Variants in MARCHF1 observed in about 807,000 individuals in gnomAD.
The protein encoded by MARCHF1 is membrane associated ring-CH-type finger 1.
MARCHF1 carries 40 observed loss-of-function variants against 54.2 expected under a neutral mutation model. The ratio of observed to expected loss-of-function variants is 0.74; its 90% CI spans 0.57 to 0.96. MARCHF1 has a LOEUF of 0.96. MARCHF1 is among the 40% of genes least tolerant of loss of function. The pLI is 0.00. For missense variants in MARCHF1, 586 were observed against 656.5 expected, an observed-to-expected ratio of 0.89 and a Z score of 1.17; for synonymous variants, 236 against 236.3, an observed-to-expected ratio of 1.00 and a Z score of 0.01.
chr4:164,060,860 C>T (rs562932748), intron 2 of MARCHF1, among the ~76,000 whole-genome samples: 67 of 152,268 alleles, frequency 4.4e-4, no homozygotes, highest in African/African-American at 1.5e-3. Context: ...TGTTTGCATT[C>T]ATGCATCACA....
At chr4:164,266,411 A>G (rs1733612625) in intron 1 of MARCHF1, among the ~76,000 whole-genome samples, 1 of 152,258 alleles carries the variant, frequency 6.6e-6, no homozygotes. Flanking sequence ...GGTTATTATT[A>G]GAAACCAATT....
At chr4:164,251,543 A>C (rs1733124662) in intron 1 of MARCHF1, among the ~76,000 whole-genome samples, 1 of 152,188 alleles carries the variant, frequency 6.6e-6, no homozygotes, top group Non-Finnish European at 1.5e-5. Context: ...TAATACTTTA[A>C]AATTTTGTTT....
intron 8 of MARCHF1, among the ~76,000 whole-genome samples, chr4:163,575,296 G>T (rs1739999848): frequency 6.6e-6 from 1 of 152,028 alleles, no homozygotes; most frequent in Non-Finnish European, 1.5e-5. Flanking sequence ...AGCTTTTTCT[G>T]CATCTATTGA....
chr4:163,759,646 G>A (rs375864021), intron 4 of MARCHF1, among the ~76,000 whole-genome samples: 1 of 152,136 alleles, frequency 6.6e-6, no homozygotes, highest in East Asian at 1.9e-4. Context: ...ATAATCAAAG[G>A]ATATAATGCA....
intron 4 of MARCHF1, among the ~76,000 whole-genome samples, chr4:163,730,237 GTGT>G (rs1745786505): frequency 6.6e-6 from 1 of 151,944 alleles, no homozygotes; most frequent in East Asian, 1.9e-4. Context: ...TCTATTTTTG[GTGT>G]TGTGTCAGAT....
At chr4:163,858,331 G>T (rs970258863) in intron 3 of MARCHF1, among the ~76,000 whole-genome samples, 1 of 152,058 alleles carries the variant, frequency 6.6e-6, no homozygotes, top group African/African-American at 2.4e-5. Flanking sequence ...GGAAAATGCA[G>T]TTGCCTACCT....
At chr4:163,533,377 G>A (rs918433204) in intron 9 of MARCHF1, among the ~76,000 whole-genome samples, 1 of 151,540 alleles carries the variant, frequency 6.6e-6, no homozygotes, top group African/African-American at 2.4e-5. Flanking sequence ...GTGGAACACA[G>A]GGACTTTTTA....
intron 1 of MARCHF1, among the ~76,000 whole-genome samples, chr4:164,255,906 T>G (rs1258520703): frequency 1.3e-5 from 2 of 152,084 alleles, no homozygotes; most frequent in African/African-American, 4.8e-5. Context: ...CTTAATTGCT[T>G]TGACTCAAAT....
intron 4 of MARCHF1, among the ~76,000 whole-genome samples, chr4:163,749,328 T>G (rs998819759): frequency 2.6e-5 from 4 of 152,136 alleles, no homozygotes; most frequent in Non-Finnish European, 5.9e-5. Context: ...TTTTTGTTTT[T>G]GTTTTTTTAT....
At chr4:164,063,803 G>A (rs1261658734) in intron 2 of MARCHF1, among the ~76,000 whole-genome samples, 1 of 152,034 alleles carries the variant, frequency 6.6e-6, no homozygotes, top group Non-Finnish European at 1.5e-5. Flanking sequence ...TTCAAAACAT[G>A]TAGAATAACT....
chr4:164,221,284 G>A (rs921101105), intron 1 of MARCHF1, among the ~76,000 whole-genome samples: 2 of 151,926 alleles, frequency 1.3e-5, no homozygotes, highest in African/African-American at 4.8e-5. Flanking sequence ...GTGTCCCAGT[G>A]TTCAAAACAT....
intron 4 of MARCHF1, among the ~76,000 whole-genome samples, chr4:163,714,610 A>G (rs1194750643): frequency 6.6e-6 from 1 of 152,264 alleles, no homozygotes; most frequent in Non-Finnish European, 1.5e-5. Context: ...GAGACATATT[A>G]GCATAGTCAT....
chr4:163,585,683 T>C (rs1758576710), intron 8 of MARCHF1, 66 bp downstream of exon 8: 2 of 1,291,542 alleles, frequency 1.5e-6, no homozygotes, highest in Non-Finnish European at 1.1e-6. Flanking sequence ...GCAAAGGAAA[T>C]AGATTTCTAA....
chr4:163,687,799 T>C (rs1744314939), intron 5 of MARCHF1, among the ~76,000 whole-genome samples: 1 of 152,234 alleles, frequency 6.6e-6, no homozygotes, highest in South Asian at 2.1e-4. Flanking sequence ...ACATGGTTAT[T>C]GAATTCCATC....
chr4:163,900,618 G>A (rs4429693), intron 3 of MARCHF1, among the ~76,000 whole-genome samples: 49,732 of 151,948 alleles, frequency 0.33, 8,390 homozygotes, highest in South Asian at 0.38. Flanking sequence ...ATGATTATCT[G>A]TTTCTTATAG....
At chr4:164,366,235 G>T (rs1730876586) in intron 1 of MARCHF1, among the ~76,000 whole-genome samples, 1 of 152,000 alleles carries the variant, frequency 6.6e-6, no homozygotes, top group Non-Finnish European at 1.5e-5. Context: ...CATAGGGCTT[G>T]TCCATTCCAA....
rs549270013 is a variant in MARCHF1, at chr4:163,988,787, C to T, written c.-247-78G>A. On this transcript the variant is annotated intron_variant, in intron 2 of 9. Coordinates refer to ENST00000514618, the MANE Select transcript of MARCHF1 (RefSeq NM_001394959.1). Reference sequence around the variant, plus strand: ...AGTCTTCTGGTCAAAATGTTAAACACATTGAAAGGGGAGTTAAAAGAAATG... The same window carrying T: ...AGTCTTCTGGTCAAAATGTTAAACATATTGAAAGGGGAGTTAAAAGAAATG... The T allele has an allele frequency of 2.6e-5, 4 of 152,310 alleles. No homozygotes were observed. The East Asian group carries it at 7.7e-4, about 29-fold the overall frequency. The allele number at this position is 152,310 out of a possible 1,614,324, so 9.4% of individuals were successfully genotyped here.
intron 3 of MARCHF1, among the ~76,000 whole-genome samples, chr4:163,952,848 A>G (rs1276244812): frequency 6.6e-6 from 1 of 152,208 alleles, no homozygotes; most frequent in Admixed American, 6.5e-5. Context: ...AGGGACTCAG[A>G]AATGGCAGGT....
intron 7 of MARCHF1, among the ~76,000 whole-genome samples, chr4:163,611,452 C>G (rs537335328): frequency 6.6e-6 from 1 of 152,094 alleles, no homozygotes; most frequent in East Asian, 1.9e-4. Context: ...ACAAGTATTG[C>G]GCAGTGAAAA....
Sources: gnomAD v4.1 joint callset for allele counts (sites outside exome capture counted in the v4.1 genomes callset) on GRCh38, gnomAD v4.1.1 for gene constraint, MANE v1.5 for transcripts, NCBI Gene and HGNC (gene_info 2026-07-23, HGNC 2026-07-21) for gene names.